The following GABRA2 variants were observed in gnomAD, a reference collection of about 807,000 sequenced individuals.
GABRA2 encodes the protein gamma-aminobutyric acid type A receptor subunit alpha2.
A neutral mutation model predicts 48.7 loss-of-function variants in GABRA2; 16 were observed. The ratio of observed to expected loss-of-function variants is 0.33; its 90% confidence interval spans 0.22 to 0.50. The LOEUF (loss-of-function observed/expected upper bound fraction) is 0.50. Among genes scored for constraint, GABRA2 ranks in the 20% least tolerant of loss-of-function variants. GABRA2 has a pLI of 0.98. For missense variants in GABRA2, 275 were observed against 535.6 expected (o/e 0.51, Z 4.80); for synonymous variants, 185 against 184.5 (o/e 1.00, Z -0.02).
chr4:46,247,904 C>G lies in GABRA2; in HGVS notation c.*2404G>C, dbSNP rs966946990. ...AGTACATCAAAGTTTAAAGAAATAA[C>G]AAAGAATTCTGATCCCTAGCACTGA... On this transcript the variant is annotated 3_prime_UTR_variant, in exon 10 of 10. Coordinates refer to ENST00000381620, the MANE Select transcript of GABRA2 (RefSeq NM_000807.4). Among the ~76,000 whole-genome samples the G allele has an allele frequency of 2.6e-5, 4 of 150,996 alleles. No individual in the cohort carries two copies. Among genetic ancestry groups the G allele is most frequent in the African/African-American group, 9.7e-5 (4 of 41,282 alleles).
intron 8 of GABRA2, among the ~76,000 whole-genome samples, chr4:46,282,981 T>C (rs901657598): frequency 6.6e-6 from 1 of 152,194 alleles, no homozygotes; most frequent in African/African-American, 2.4e-5. Context: ...AGACGCCACA[T>C]AGTTTGGTAG....
intron 4 of GABRA2, among the ~76,000 whole-genome samples, chr4:46,328,385 T>A (rs369260930): frequency 1.3e-5 from 2 of 151,964 alleles, no homozygotes; most frequent in African/African-American, 4.8e-5. Context: ...GCTAATGTCA[T>A]AACAAATCTA....
intron 4 of GABRA2, among the ~76,000 whole-genome samples, chr4:46,316,593 A>G (rs922546310): frequency 1.3e-5 from 2 of 152,010 alleles, no homozygotes; most frequent in East Asian, 3.8e-4. Context: ...GTGTAAATTT[A>G]TATTCTCACT....
chr4:46,264,088 T>C (rs1352664926), intron 8 of GABRA2, among the ~76,000 whole-genome samples: 1 of 152,104 alleles, frequency 6.6e-6, no homozygotes, highest in African/African-American at 2.4e-5. Flanking sequence ...TGGATGCTAA[T>C]GTAAATGGAA....
Position 46,295,818 on chromosome 4 carries a change from C to T in GABRA2, c.856+7642G>A, listed in dbSNP as rs556859203. ...ATGTTTGTTCTCACTTGAATGGACA[C>T]TTATGCCGGATATGGGTTTGCCTAT... On this transcript the variant is annotated intron_variant, in intron 8 of 9. Transcript: ENST00000381620. 1.1e-4 allele frequency among the ~76,000 whole-genome samples: 16 copies of T among 152,322 alleles called. 1 individual carries two copies. The highest frequency in any genetic ancestry group is 3.4e-3 in the Middle Eastern group (1 of 294).
chr4:46,361,710 A>T (rs1465388313), intron 3 of GABRA2, among the ~76,000 whole-genome samples: 1 of 152,132 alleles, frequency 6.6e-6, no homozygotes, highest in African/African-American at 2.4e-5. Flanking sequence ...AGCTGAAAAC[A>T]CTCAACGCTA....
At chr4:46,355,247 T>C (rs1322701176) in intron 3 of GABRA2, among the ~76,000 whole-genome samples, 1 of 152,174 alleles carries the variant, frequency 6.6e-6, no homozygotes, top group Non-Finnish European at 1.5e-5. Flanking sequence ...ATTGTTCACT[T>C]CTTGCGGTAT....
chr4:46,274,462 A>T (rs1185480421), intron 8 of GABRA2, among the ~76,000 whole-genome samples: 12 of 152,120 alleles, frequency 7.9e-5, no homozygotes, highest in Non-Finnish European at 2.9e-5. Flanking sequence ...TTAAAGTTGC[A>T]TCATACATTA....
At chr4:46,316,367 G>A (rs1728553484) in intron 4 of GABRA2, among the ~76,000 whole-genome samples, 1 of 151,998 alleles carries the variant, frequency 6.6e-6, no homozygotes, top group Non-Finnish European at 1.5e-5. Context: ...CTCTGCCACT[G>A]CAATGTGAAA....
At chr4:46,321,353 T>C (rs1257531480) in intron 4 of GABRA2, among the ~76,000 whole-genome samples, 1 of 151,932 alleles carries the variant, frequency 6.6e-6, no homozygotes, top group African/African-American at 2.4e-5. Context: ...ATACTGGAAA[T>C]GTAAGTGCTC....
intron 4 of GABRA2, among the ~76,000 whole-genome samples, chr4:46,322,943 A>G (rs1729706401): frequency 6.6e-6 from 1 of 151,934 alleles, no homozygotes; most frequent in Admixed American, 6.6e-5. Context: ...CTAGGTAACT[A>G]TGTTAAACTA....
chr4:46,327,780 A>G (rs888722628), intron 4 of GABRA2, among the ~76,000 whole-genome samples: 3 of 152,016 alleles, frequency 2.0e-5, no homozygotes, highest in African/African-American at 7.2e-5. Flanking sequence ...CATAATCAAG[A>G]AACCAAGGTC....
chr4:46,290,087 AT>A (rs200118144), intron 8 of GABRA2, among the ~76,000 whole-genome samples: 14 of 143,986 alleles, frequency 9.7e-5, no homozygotes, highest in Non-Finnish European at 1.2e-4. Flanking sequence ...CATTTTTTGT[AT>A]TTTTTTTTTA....
At chr4:46,322,378 C>T (rs1560526274) in intron 4 of GABRA2, among the ~76,000 whole-genome samples, 1 of 151,930 alleles carries the variant, frequency 6.6e-6, no homozygotes, top group Non-Finnish European at 1.5e-5. Flanking sequence ...AACACTCTCA[C>T]AGCCTCCAAG....
At chr4:46,352,783 G>A (rs182038029) in intron 3 of GABRA2, among the ~76,000 whole-genome samples, 15 of 152,150 alleles carry the variant, frequency 9.9e-5, no homozygotes, top group African/African-American at 3.6e-4. Flanking sequence ...CAATCAAGAA[G>A]GATGTGAGCA....
intron 8 of GABRA2, among the ~76,000 whole-genome samples, chr4:46,263,814 A>G (rs2109359659): frequency 6.6e-6 from 1 of 152,050 alleles, no homozygotes; most frequent in Middle Eastern, 3.4e-3. Flanking sequence ...TTTAATAGGC[A>G]TTTCATTGAA....
intron 3 of GABRA2, among the ~76,000 whole-genome samples, chr4:46,347,481 A>AT (rs1734339164): frequency 6.6e-6 from 1 of 151,974 alleles, no homozygotes; most frequent in Non-Finnish European, 1.5e-5. Flanking sequence ...TTTGAAGAAC[A>AT]CATTTTGGGG....
chr4:46,350,048 T>C (rs1734854691), intron 3 of GABRA2, among the ~76,000 whole-genome samples: 1 of 151,900 alleles, frequency 6.6e-6, no homozygotes, highest in African/African-American at 2.4e-5. Context: ...TTTATATATA[T>C]GATCAAAATT....
chr4:46,297,370 G>C (rs1270750807), intron 8 of GABRA2, among the ~76,000 whole-genome samples: 1 of 150,762 alleles, frequency 6.6e-6, no homozygotes, highest in Non-Finnish European at 1.5e-5. Flanking sequence ...CAGACTCCAA[G>C]TTCTTCAGCT....
Sources: gnomAD v4.1 joint callset for allele counts (sites outside exome capture counted in the v4.1 genomes callset) on GRCh38, gnomAD v4.1.1 for gene constraint, MANE v1.5 for transcripts, NCBI Gene and HGNC (gene_info 2026-07-23, HGNC 2026-07-21) for gene names.